The following YWHAZ variants were observed in gnomAD, a reference collection of about 807,000 sequenced individuals.
YWHAZ encodes the protein tyrosine 3-monooxygenase/tryptophan 5-monooxygenase activation protein zeta, also known as 14-3-3 protein zeta/delta.
For synonymous variants in YWHAZ, 87 were observed against 103.6 expected (o/e 0.84, Z 0.97); for missense variants, 79 against 284.8 (o/e 0.28, Z 5.20).
chr8:100,925,876 C>A (rs1813327867), intron 2 of YWHAZ, among the ~76,000 whole-genome samples: 1 of 151,932 alleles, frequency 6.6e-6, no homozygotes, highest in Non-Finnish European at 1.5e-5. Context: ...TAATTTTTTT[C>A]TTTCCAGTTA....
chr8:100,948,064 G>A lies in YWHAZ; in HGVS notation c.294+532C>T, dbSNP rs1478427276. 10 of 1,527,646 alleles carry A rather than the reference G, an allele frequency of 6.5e-6. No individual in the cohort carries two copies. Among genetic ancestry groups the A allele is most frequent in the Admixed American group, 2.0e-5 (1 of 49,870 alleles). The allele number at this position is 1,527,646 out of a possible 1,614,324, so 94.6% of individuals were successfully genotyped here. On this transcript the variant is annotated intron_variant, in intron 2 of 5. Coordinates refer to ENST00000395958, the MANE Select transcript of YWHAZ (RefSeq NM_145690.3). This position sits in a 1 kb window ranked among gnomAD's most constrained non-coding sequence, Gnocchi z 4.2. ...ATAACCTTTCATCATGGTTGTGAGT[G>A]TTCAAAATTTACCTTCAAGAATTCA...
At chr8:100,929,384 C>G (rs1267861615) in intron 2 of YWHAZ, among the ~76,000 whole-genome samples, 1 of 151,984 alleles carries the variant, frequency 6.6e-6, no homozygotes, top group Non-Finnish European at 1.5e-5. Context: ...ATCTTTAGTA[C>G]CAATGGGGTT....
intron 2 of YWHAZ, among the ~76,000 whole-genome samples, chr8:100,946,906 A>AAC (rs1283892594): frequency 1.3e-5 from 2 of 150,866 alleles, no homozygotes; most frequent in African/African-American, 4.9e-5. Context: ...AACAAAAAAA[A>AAC]CAAAAAAACC....
At chr8:100,951,150 T>C in intron 1 of YWHAZ, 1 of 971,046 alleles carries the variant, frequency 1.0e-6, no homozygotes, top group Non-Finnish European at 1.2e-6. Context: ...GAAATTCAGC[T>C]CTAGGTCCCA....
At chr8:100,929,284 C>T (rs1813596296) in intron 2 of YWHAZ, among the ~76,000 whole-genome samples, 1 of 151,340 alleles carries the variant, frequency 6.6e-6, no homozygotes, top group African/African-American at 2.4e-5. Context: ...ACTGCAACCT[C>T]CTCCTCCTGA....
chr8:100,930,105 T>G (rs1159251733), intron 2 of YWHAZ, among the ~76,000 whole-genome samples: 1 of 152,184 alleles, frequency 6.6e-6, no homozygotes, highest in Non-Finnish European at 1.5e-5. Flanking sequence ...TGTCACAATT[T>G]CAACCGTATT....
chr8:100,933,303 G>A (rs968599551), intron 2 of YWHAZ, among the ~76,000 whole-genome samples: 1 of 151,610 alleles, frequency 6.6e-6, no homozygotes, highest in African/African-American at 2.4e-5. Context: ...ATGTTGCAGT[G>A]AGCCGAGATT....
intron 2 of YWHAZ, among the ~76,000 whole-genome samples, chr8:100,933,358 C>CAAA (rs35225207): frequency 1.4e-5 from 2 of 142,014 alleles, no homozygotes; most frequent in South Asian, 2.2e-4. Context: ...GCCTCCGTCT[C>CAAA]AAAAAAAAAA....
chr8:100,939,954 C>T (rs1034998964), intron 2 of YWHAZ, among the ~76,000 whole-genome samples: 8 of 150,876 alleles, frequency 5.3e-5, no homozygotes, highest in African/African-American at 1.5e-4. Context: ...ACCTGGAAGG[C>T]GGAGCTTGCA....
At chr8:100,953,027 C>T, upstream of YWHAZ, 2 of 999,506 alleles carry the variant, frequency 2.0e-6, no homozygotes, top group Non-Finnish European at 2.4e-6. Flanking sequence ...CGAGGTGGGC[C>T]GGGCCGGGCG....
At chr8:100,926,879 A>T (rs1813400979) in intron 2 of YWHAZ, among the ~76,000 whole-genome samples, 1 of 152,254 alleles carries the variant, frequency 6.6e-6, no homozygotes, top group Non-Finnish European at 1.5e-5. Flanking sequence ...TTAAGAAACA[A>T]ATGACCAGGA....
rs1363748290 is a variant in YWHAZ, at chr8:100,919,445, C to A, written c.*1248G>T. 1 of 152,416 alleles carries A rather than the reference C, an allele frequency of 6.6e-6. No individual in the cohort carries two copies. Among genetic ancestry groups the A allele is most frequent in the South Asian group, 2.1e-4 (1 of 4,828 alleles). The allele number at this position is 152,416 out of a possible 1,614,324, so 9.4% of individuals were successfully genotyped here. A position where few individuals can be genotyped will look rare whatever the true frequency, so the allele number is the denominator to read the frequency against. On this transcript the variant is annotated 3_prime_UTR_variant, in exon 6 of 6. Coordinates refer to ENST00000395958, the MANE Select transcript of YWHAZ (RefSeq NM_145690.3). ...CACTACATTTTTTTCTAATCAATCC[C>A]CCCCTCTCCCAGAAAAAATAGGAAC...
At chr8:100,952,973 C>T, upstream of YWHAZ, 1 of 1,000,484 alleles carries the variant, frequency 1.0e-6, no homozygotes, top group Non-Finnish European at 1.2e-6. Context: ...GATCTGCGCT[C>T]GGTGACTGCG....
rs1554611378 is a variant in YWHAZ at position 100,918,408 on chromosome 8, T to TTATATATATATATTTATATATATA, written c.*2284_*2285insTATATATATAAATATATATATATA. On this transcript the variant is annotated 3_prime_UTR_variant, in exon 6 of 6. Coordinates refer to ENST00000395958, the MANE Select transcript of YWHAZ (RefSeq NM_145690.3). ...AGTCTAGCTATAAAATATAATTACTTTATATATATATATATATATATATAT... is the reference window on the plus strand; with the variant it reads ...AGTCTAGCTATAAAATATAATTACTTTATATATATATATTTATATATATATATATATATATATATATATATATAT... 1 of 41,882 alleles carries TTATATATATATATTTATATATATA rather than the reference T, an allele frequency of 2.4e-5. No homozygotes were observed. Among genetic ancestry groups the TTATATATATATATTTATATATATA allele is most frequent in the Non-Finnish European group, 4.8e-5 (1 of 20,796 alleles). 2.6% of individuals were successfully genotyped at this position (41,882 alleles called of 1,614,324 possible).
At chr8:100,944,971 C>T (rs1810155908) in intron 2 of YWHAZ, among the ~76,000 whole-genome samples, 1 of 152,158 alleles carries the variant, frequency 6.6e-6, no homozygotes, top group Non-Finnish European at 1.5e-5. Context: ...GACTGTATTT[C>T]CTTGGTATTC....
At chr8:100,931,710 G>C (rs1370782017) in intron 2 of YWHAZ, among the ~76,000 whole-genome samples, 1 of 151,954 alleles carries the variant, frequency 6.6e-6, no homozygotes, top group African/African-American at 2.4e-5. Flanking sequence ...GCTCCCAACC[G>C]AGAGTAGGCA....
In YWHAZ at chr8:100,918,344, C is replaced by G. The variant is rs927000977; in HGVS notation, c.*2349G>C. The G allele has an allele frequency of 2.6e-5, 1 of 39,166 alleles. No homozygotes were observed. Among genetic ancestry groups the G allele is most frequent in the Non-Finnish European group, 5.5e-5 (1 of 18,100 alleles). The allele number at this position is 39,166 out of a possible 1,614,324, so 2.4% of individuals were successfully genotyped here. On this transcript the variant is annotated 3_prime_UTR_variant, in exon 6 of 6. Coordinates refer to ENST00000395958, the MANE Select transcript of YWHAZ (RefSeq NM_145690.3). ...GGTGACAGAGCAAGACTCTTGTCTC[C>G]AAAAAAAAAAAAAACAACAAAAAAA...
intron 1 of YWHAZ, chr8:100,951,455 C>T (rs1211383796): frequency 2.1e-6 from 2 of 975,456 alleles, no homozygotes; most frequent in Non-Finnish European, 2.4e-6. Context: ...GGCGGCCTCA[C>T]CTGCGCCACT....
Position 100,933,496 on chromosome 8 carries a change from A to G in YWHAZ, c.295-8457T>C, listed in dbSNP as rs185186512. On this transcript the variant is annotated intron_variant, in intron 2 of 5. Transcript: ENST00000395958. Reference sequence around the variant, plus strand: ...CTGCTATGTTGTACACCTTAAATATATATTTTTTTTGCCAATCGTACCTCA... The same window carrying G: ...CTGCTATGTTGTACACCTTAAATATGTATTTTTTTTGCCAATCGTACCTCA... Among the ~76,000 whole-genome samples the G allele has an allele frequency of 2.3e-3, 346 of 152,310 alleles. 1 individual carries two copies. Among genetic ancestry groups the G allele is most frequent in the Non-Finnish European group, 2.0e-3 (134 of 68,034 alleles).
Sources: gnomAD v4.1 joint callset for allele counts (sites outside exome capture counted in the v4.1 genomes callset) on GRCh38, gnomAD v4.1.1 for gene constraint, Gnocchi (gnomAD v3.1) non-coding constraint, MANE v1.5 for transcripts, NCBI Gene and HGNC (gene_info 2026-07-23, HGNC 2026-07-21) for gene names.